CHID1: variants seen among roughly 807,000 people sequenced by gnomAD.
CHID1 encodes chitinase domain-containing protein 1.
CHID1 carries 44 observed loss-of-function variants against 55.4 expected under a neutral mutation model. The observed-to-expected ratio is 0.79, with a 90% CI of 0.62 to 1.02. The LOEUF (loss-of-function observed/expected upper bound fraction) is 1.02. CHID1 is among the 50% of genes least tolerant of loss of function. CHID1 has a pLI of 0.00. For synonymous variants in CHID1, 216 were observed against 212.9 expected (o/e 1.01, Z -0.13); for missense variants, 491 against 515.3 (o/e 0.95, Z 0.46).
At chr11:871,451 C>T (rs1020483306) in intron 10 of CHID1, among the ~76,000 whole-genome samples, 2 of 7,804 alleles carry the variant, frequency 2.6e-4, no homozygotes, top group Non-Finnish European at 5.5e-4. Context: ...GCTGGGGACA[C>T]GACTGCGGCT....
chr11:901,011 G>C (rs766437881), intron 4 of CHID1, 31 bp from the exon 5 acceptor site: 1 of 1,577,552 alleles, frequency 6.3e-7, no homozygotes, highest in African/African-American at 1.4e-5. Context: ...AGTCAACACA[G>C]GCACGTGCGC....
At position 883,282 on chromosome 11, in the gene CHID1, C is replaced by G. The variant is rs1317560124; in HGVS notation, c.825G>C (p.Leu275=). 12 of 1,613,708 alleles carry G rather than the reference C, an allele frequency of 7.4e-6. No individual in the cohort carries two copies. The highest frequency in any genetic ancestry group is 1.0e-5 in the Non-Finnish European group (12 of 1,179,822). ...TAHQPGPNAP[L]SWVRACVQVL... is the part of the protein sequence containing the mutation. ...CCTGGACGCAGGCTCGAACCCAGGA[C>G]AGGGGTGCATTAGGGCCAGGCCTGC... The change falls in exon 10 of 13, where the codon CTG becomes CTC. Residue 275 remains leucine, a synonymous_variant. Transcript: ENST00000323578.
chr11:883,368 G>A, intron 9 of CHID1, 65 bp from the exon 10 acceptor site: 1 of 1,507,798 alleles, frequency 6.6e-7, no homozygotes, highest in Non-Finnish European at 9.0e-7. Flanking sequence ...CCATCATTGG[G>A]GCCCTCCACT....
chr11:869,132 G>A lies in CHID1; in HGVS notation c.*726C>T, dbSNP rs553571456. 6.5e-6 allele frequency: 1 copy of A among 152,686 alleles called. No homozygotes were observed. Among genetic ancestry groups the A allele is most frequent in the East Asian group, 1.9e-4 (1 of 5,186 alleles). The allele number at this position is 152,686 out of a possible 1,614,324, so 9.5% of individuals were successfully genotyped here. A position where few individuals can be genotyped will look rare whatever the true frequency, so the allele number is the denominator to read the frequency against. ...GCCCCACCCCTCGCTGGAAATGCCT[G>A]TCCCGATATGGCCCACGGGTCCTGC... On this transcript the variant is annotated 3_prime_UTR_variant, in exon 13 of 13. Transcript: ENST00000323578.
Position 903,082 on chromosome 11 carries a change from G to A in CHID1, c.141C>T (p.Asp47=), listed in dbSNP as rs200455268. The change falls in exon 3 of 13, where the codon GAC becomes GAT. Residue 47 remains aspartate (D), a synonymous_variant. Coordinates refer to ENST00000323578, the MANE Select transcript of CHID1 (RefSeq NM_023947.4). The part of the protein sequence containing the change: ...KSQFSDKPVQ[D]RGLVVTDLKA... ...TGAGGTCCGTCACCACCAAACCCCG[G>A]TCTTGCACCGGCTTATCTGAAAACT... The A allele has an allele frequency of 4.3e-6, 7 of 1,612,740 alleles. No homozygotes were observed. In the South Asian group the frequency reaches 4.4e-5, roughly 10 times the overall value.
At chr11:909,372 A>C (rs1027553429) in intron 1 of CHID1, among the ~76,000 whole-genome samples, 1 of 152,240 alleles carries the variant, frequency 6.6e-6, no homozygotes, top group African/African-American at 2.4e-5. Flanking sequence ...GAAGAGGCAC[A>C]GGCCCCGACC....
Position 902,381 on chromosome 11 carries a change from C to T in CHID1, c.262-51G>A, listed in dbSNP as rs954731203. 6.3e-6 allele frequency: 10 copies of T among 1,590,376 alleles called. No homozygotes were observed. In the African/African-American group the frequency reaches 1.1e-4, roughly 17 times the overall value. ...GGAGGACAGGTGAGTGAGCACCTGT[C>T]TCACCATGGTGCTGTCATTCTGGCG... On this transcript the variant is annotated intron_variant, in intron 3 of 12. Transcript: ENST00000323578.
chr11:899,480 G>A (rs1000667038), intron 6 of CHID1, 79 bp from the exon 7 acceptor site: 33 of 1,333,764 alleles, frequency 2.5e-5, no homozygotes, highest in Non-Finnish European at 2.7e-5. Context: ...CCGCCACCTC[G>A]GCCCACATGG....
chr11:892,353 G>A (rs552552914), intron 8 of CHID1, among the ~76,000 whole-genome samples: 6 of 152,352 alleles, frequency 3.9e-5, no homozygotes, highest in East Asian at 1.9e-4. Flanking sequence ...TGCTGCAGAC[G>A]GGAGGCTCCC....
At chr11:870,028 G>GA in intron 12 of CHID1, 72 bp from the exon 13 acceptor site, 1 of 1,606,534 alleles carries the variant, frequency 6.2e-7, no homozygotes, top group Non-Finnish European at 8.5e-7. Context: ...CCTCCAGGCC[G>GA]AGGGGCAGCA....
chr11:884,226 C>T (rs561006487), intron 8 of CHID1, 57 bp from the exon 9 acceptor site: 1 of 1,425,236 alleles, frequency 7.0e-7, no homozygotes, highest in Non-Finnish European at 9.8e-7. Flanking sequence ...AAGCCCCTCC[C>T]CAGCTGCGGT....
chr11:896,924 C>G (rs113714079), intron 7 of CHID1, among the ~76,000 whole-genome samples: 136 of 41,098 alleles, frequency 3.3e-3, no homozygotes, highest in East Asian at 8.7e-3. Flanking sequence ...CAGACACGAG[C>G]CTGTCTCAGC....
intron 10 of CHID1, among the ~76,000 whole-genome samples, chr11:878,642 A>G (rs1392693209): frequency 6.6e-5 from 10 of 152,208 alleles, no homozygotes; most frequent in Admixed American, 2.6e-4. Flanking sequence ...ACGAACTAAC[A>G]CAAGTCTTAA....
At position 910,803 on chromosome 11, in the gene CHID1, A is replaced by C; in HGVS notation, c.-72T>G. ...CATGTCAGGGAGGCCGGACGGCCAC[A>C]AACGCACGGCCGGAAAACGCTCCAG... On this transcript the variant is annotated 5_prime_UTR_variant, in exon 1 of 13. Transcript: ENST00000323578. 1 of 1,112,154 alleles carries C rather than the reference A, an allele frequency of 9.0e-7. No homozygotes were observed. Among genetic ancestry groups the C allele is most frequent in the Non-Finnish European group, 1.1e-6 (1 of 904,272 alleles). The allele number at this position is 1,112,154 out of a possible 1,614,324, so 68.9% of individuals were successfully genotyped here.
intron 1 of CHID1, among the ~76,000 whole-genome samples, chr11:906,960 A>T (rs1555018198): frequency 1.3e-5 from 2 of 152,206 alleles, no homozygotes; most frequent in Non-Finnish European, 2.9e-5. Flanking sequence ...CCTGGGAAGC[A>T]GAGGTTGCGG....
intron 8 of CHID1, among the ~76,000 whole-genome samples, chr11:888,556 C>A (rs545032240): frequency 1.3e-5 from 2 of 152,330 alleles, no homozygotes; most frequent in South Asian, 2.1e-4. Flanking sequence ...ACGGATTAGA[C>A]GCAGCGTGAC....
chr11:883,159 A>G lies in CHID1; in HGVS notation c.948T>C (p.Val316=). Residue 316 remains valine (V), a synonymous_variant, in exon 10 of 13, where the codon GTT becomes GTC. Transcript: ENST00000323578. ...YATSKDAREP[V]VGARYIQTLK... ...AGCCCTTGGCTCACCTGGCCCCGACAACAGGCTCACGGGCATCCTTGGAGG... is the reference window on the plus strand; with the variant it reads ...AGCCCTTGGCTCACCTGGCCCCGACGACAGGCTCACGGGCATCCTTGGAGG... The G allele has an allele frequency of 6.2e-7, 1 of 1,611,434 alleles. No homozygotes were observed. The highest frequency in any genetic ancestry group is 1.1e-5 in the South Asian group (1 of 91,052).
chr11:913,283 T>C (rs945357487), upstream of CHID1, among the ~76,000 whole-genome samples: 2 of 152,146 alleles, frequency 1.3e-5, no homozygotes, highest in Non-Finnish European at 2.9e-5. Flanking sequence ...CCCCAAATGC[T>C]GGGATTATAG....
intron 7 of CHID1, among the ~76,000 whole-genome samples, chr11:895,045 G>A (rs1851159079): frequency 6.6e-6 from 1 of 152,176 alleles, no homozygotes; most frequent in East Asian, 1.9e-4. Context: ...AACTCTATGG[G>A]TACCAGAGGC....
Sources: allele counts gnomAD v4.1 joint callset (sites outside exome capture counted in the v4.1 genomes callset), GRCh38; gene constraint gnomAD v4.1.1; transcripts MANE v1.5; gene names NCBI Gene and HGNC (gene_info 2026-07-23, HGNC 2026-07-21).